The following KIF3B variants were observed in gnomAD, a reference collection of about 807,000 sequenced individuals.
The protein encoded by KIF3B is kinesin family member 3B.
KIF3B carries 38 observed loss-of-function variants against 74.3 expected under a neutral mutation model. That is an observed-to-expected ratio of 0.51 (90% CI 0.39 to 0.67). The LOEUF (loss-of-function observed/expected upper bound fraction) is 0.67. Among genes scored for constraint, KIF3B ranks in the 30% least tolerant of loss-of-function variants. The pLI is 0.00. For missense variants in KIF3B, 649 were observed against 932.0 expected (o/e 0.70, Z 3.95); for synonymous variants, 326 against 342.5 (o/e 0.95, Z 0.53).
At chr20:32,312,770 A>G (rs971908310) in intron 2 of KIF3B, among the ~76,000 whole-genome samples, 3 of 152,178 alleles carry the variant, frequency 2.0e-5, no homozygotes, top group Non-Finnish European at 1.5e-5. Context: ...GAGAACATGG[A>G]CGTGCAAGAT....
rs1228319756 is a variant in KIF3B, at chr20:32,291,647, G to T, written c.-66+13882G>T. On this transcript the variant is annotated intron_variant, in intron 1 of 8. Transcript: ENST00000375712. ...TTTTTTTTTTTTGAGACAGAGTCTCGCTCTGTCACCCGGGCTGGAGTGCAG... is the reference window on the plus strand; with the variant it reads ...TTTTTTTTTTTTGAGACAGAGTCTCTCTCTGTCACCCGGGCTGGAGTGCAG... Among the ~76,000 whole-genome samples the T allele has an allele frequency of 3.5e-5, 5 of 142,468 alleles. No homozygotes were observed. The East Asian group carries it at 6.1e-4, about 17-fold the overall frequency. 93.5% of individuals were successfully genotyped at this position (142,468 alleles called of 152,430 possible). A position where few individuals can be genotyped will look rare whatever the true frequency, so the allele number is the denominator to read the frequency against.
At chr20:32,300,290 T>G (rs907427665) in intron 1 of KIF3B, among the ~76,000 whole-genome samples, 1 of 151,910 alleles carries the variant, frequency 6.6e-6, no homozygotes, top group Non-Finnish European at 1.5e-5. Flanking sequence ...TGTAAATTTT[T>G]TTTTTGAGAC....
intron 1 of KIF3B, among the ~76,000 whole-genome samples, chr20:32,288,367 G>C (rs138545104): frequency 6.6e-6 from 1 of 152,146 alleles, no homozygotes; most frequent in Non-Finnish European, 1.5e-5. Context: ...GCTTGCACCT[G>C]TACTCCCAAC....
At chr20:32,312,859 T>G (rs1181906188) in intron 2 of KIF3B, among the ~76,000 whole-genome samples, 1 of 152,214 alleles carries the variant, frequency 6.6e-6, no homozygotes, top group Non-Finnish European at 1.5e-5. Context: ...TTTTCTAAAG[T>G]GGTTGTGCAG....
At chr20:32,290,719 A>G (rs1377712531) in intron 1 of KIF3B, among the ~76,000 whole-genome samples, 2 of 152,060 alleles carry the variant, frequency 1.3e-5, no homozygotes, top group Non-Finnish European at 2.9e-5. Context: ...ACAAATAATA[A>G]TAATAATAAA....
chr20:32,331,136 TG>T, intron 8 of KIF3B, 86 bp from the exon 9 acceptor site: 3 of 940,918 alleles, frequency 3.2e-6, no homozygotes, highest in Non-Finnish European at 5.0e-6. Context: ...CATTGAAGAA[TG>T]GCCTGAAATG....
intron 6 of KIF3B, among the ~76,000 whole-genome samples, chr20:32,327,137 CATTTCTGT>C (rs2047907650): frequency 6.6e-6 from 1 of 152,088 alleles, no homozygotes. Flanking sequence ...AAAGTTCCTG[CATTTCTGT>C]TTCTCCAGCT....
At chr20:32,296,020 A>G (rs111577486) in intron 1 of KIF3B, among the ~76,000 whole-genome samples, 51 of 151,246 alleles carry the variant, frequency 3.4e-4, no homozygotes, top group Non-Finnish European at 6.8e-4. Flanking sequence ...GCCTGCCACC[A>G]CGCCCGGCTA....
At chr20:32,299,764 A>G (rs933037332) in intron 1 of KIF3B, among the ~76,000 whole-genome samples, 1 of 151,612 alleles carries the variant, frequency 6.6e-6, no homozygotes, top group Non-Finnish European at 1.5e-5. Context: ...TCCCCTATAA[A>G]TGGATGTCTA....
chr20:32,320,688 T>A (rs1233219604), intron 5 of KIF3B, among the ~76,000 whole-genome samples: 2 of 152,058 alleles, frequency 1.3e-5, no homozygotes, highest in African/African-American at 2.4e-5. Flanking sequence ...GCTAATTTTT[T>A]AAAATTTTTT....
rs879739181 is a variant in KIF3B, at chr20:32,305,750, A to AT, written c.-65-3950dup. ...CCACCATGCCCGGCTAAATTTTTGT[A>AT]TTTTTTTTTTTTTAGTACAGATGGT... On this transcript the variant is annotated intron_variant, in intron 1 of 8. Coordinates refer to ENST00000375712, the MANE Select transcript of KIF3B (RefSeq NM_004798.4). Among the ~76,000 whole-genome samples, 452 of 138,656 alleles carry AT rather than the reference A, an allele frequency of 3.3e-3. 1 individual carries two copies. The highest frequency in any genetic ancestry group is 0.018 in the Middle Eastern group (5 of 274). The allele number at this position is 138,656 out of a possible 152,430, so 91.0% of individuals were successfully genotyped here. A position where few individuals can be genotyped will look rare whatever the true frequency, so the allele number is the denominator to read the frequency against.
chr20:32,334,541 A>T lies in KIF3B; in HGVS notation c.*3222A>T, dbSNP rs1485536125. The T allele has an allele frequency of 6.6e-6, 1 of 152,526 alleles. No individual in the cohort carries two copies. Among genetic ancestry groups the T allele is most frequent in the Admixed American group, 6.5e-5 (1 of 15,268 alleles). The allele number at this position is 152,526 out of a possible 1,614,324, so 9.4% of individuals were successfully genotyped here. A position where few individuals can be genotyped will look rare whatever the true frequency, so the allele number is the denominator to read the frequency against. On this transcript the variant is annotated 3_prime_UTR_variant, in exon 9 of 9. Transcript: ENST00000375712. ...AGTTCTGCCTCACATTTCCCACTTG[A>T]GGTTGAGGCGTACTGGAGACAACAC...
intron 1 of KIF3B, among the ~76,000 whole-genome samples, chr20:32,280,733 A>G (rs1419987729): frequency 1.3e-5 from 2 of 150,902 alleles, no homozygotes; most frequent in African/African-American, 2.4e-5. Context: ...AAAAAAAAAA[A>G]AAAAAAAGAA....
intron 1 of KIF3B, among the ~76,000 whole-genome samples, chr20:32,308,384 TG>T (rs2047782893): frequency 6.6e-6 from 1 of 152,032 alleles, no homozygotes; most frequent in African/African-American, 2.4e-5. Flanking sequence ...TCACCACCCC[TG>T]GCTAATTTTT....
rs1257740680 is a variant in KIF3B at position 32,322,720 on chromosome 20, A to T, written c.1749-4051A>T. ...TATATTTATATATTTATATATATTT[A>T]TATTTATTTATTTATATATATTTAT... On this transcript the variant is annotated intron_variant, in intron 5 of 8. Transcript: ENST00000375712. Among the ~76,000 whole-genome samples, 2 of 70,234 alleles carry T rather than the reference A, an allele frequency of 2.8e-5. 1 individual carries two copies. Among genetic ancestry groups the T allele is most frequent in the Non-Finnish European group, 4.7e-5 (2 of 42,990 alleles). 46.1% of individuals were successfully genotyped at this position (70,234 alleles called of 152,430 possible).
chr20:32,301,707 T>G (rs2047745173), intron 1 of KIF3B, among the ~76,000 whole-genome samples: 1 of 152,088 alleles, frequency 6.6e-6, no homozygotes, highest in African/African-American at 2.4e-5. Context: ...GTGGGCCAAA[T>G]GAAATGTTTT....
chr20:32,325,063 G>A (rs1395752562), intron 5 of KIF3B, among the ~76,000 whole-genome samples: 1 of 152,166 alleles, frequency 6.6e-6, no homozygotes. Context: ...AAATGTGTGT[G>A]TCGGTCAGTC....
intron 5 of KIF3B, among the ~76,000 whole-genome samples, chr20:32,321,515 A>G (rs1327584187): frequency 6.6e-6 from 1 of 151,760 alleles, no homozygotes; most frequent in Non-Finnish European, 1.5e-5. Flanking sequence ...ATTGTTCTAT[A>G]TATCTATCCT....
In KIF3B at chr20:32,277,691, C is replaced by A. The variant is rs993508578; in HGVS notation, c.-140C>A. 7.7e-6 allele frequency: 2 copies of A among 258,544 alleles called. No homozygotes were observed. Among genetic ancestry groups the A allele is most frequent in the Non-Finnish European group, 1.4e-5 (2 of 141,976 alleles). 16.0% of individuals were successfully genotyped at this position (258,544 alleles called of 1,614,324 possible). A position where few individuals can be genotyped will look rare whatever the true frequency, so the allele number is the denominator to read the frequency against. ...CCGGGGCAGCGGGGAATGGCTGAGC[C>A]AGGGGTTCGCCGCCCCCGCCGCCGC... is the stretch of plus-strand genomic sequence containing the variant. On this transcript the variant is annotated 5_prime_UTR_variant, in exon 1 of 9. Coordinates refer to ENST00000375712, the MANE Select transcript of KIF3B (RefSeq NM_004798.4).
Sources: gnomAD v4.1 joint callset for allele counts (sites outside exome capture counted in the v4.1 genomes callset) on GRCh38, gnomAD v4.1.1 for gene constraint, MANE v1.5 for transcripts, NCBI Gene and HGNC (gene_info 2026-07-23, HGNC 2026-07-21) for gene names.